NDRG1: variants seen among roughly 807,000 people sequenced by gnomAD.
The protein encoded by NDRG1 is N-myc downstream regulated 1, also known as protein NDRG1.
In NDRG1, 32 loss-of-function variants were observed where a neutral mutation model predicts 56.9. That is an observed-to-expected ratio of 0.56 (90% CI 0.42 to 0.76). The LOEUF is 0.76. NDRG1 is among the 30% of genes least tolerant of loss of function. The pLI is 0.00. For synonymous variants in NDRG1, 211 were observed against 204.1 expected (o/e 1.03, Z -0.29); for missense variants, 507 against 545.7 (o/e 0.93, Z 0.71).
At chr8:133,239,385 G>A in intron 15 of NDRG1, 1 of 603,128 alleles carries the variant, frequency 1.7e-6, no homozygotes, top group Non-Finnish European at 2.9e-6. Context: ...TCTGCCACCT[G>A]TTAAAAGCTG....
intron 8 of NDRG1, 65 bp downstream of exon 8, chr8:133,256,712 G>A: frequency 1.5e-5 from 23 of 1,499,980 alleles, no homozygotes; most frequent in Non-Finnish European, 2.0e-5. Flanking sequence ...CCCCCAGGCA[G>A]AGGCTGTGTG....
rs141156426 is a variant in NDRG1 at position 133,249,066 on chromosome 8, T to C, written c.699-295A>G. On this transcript the variant is annotated intron_variant, in intron 10 of 15. Coordinates refer to ENST00000323851, the MANE Select transcript of NDRG1 (RefSeq NM_006096.4). Reference sequence around the variant, plus strand: ...AAGTCAGATTCTCCACCATAGAGGGTCCCCGCCTTCCCTGTCCCCCTAGTC... The same window carrying C: ...AAGTCAGATTCTCCACCATAGAGGGCCCCCGCCTTCCCTGTCCCCCTAGTC... 0.014 allele frequency among the ~76,000 whole-genome samples: 2,065 copies of C among 152,086 alleles called. 20 individuals carry two copies. Among genetic ancestry groups the C allele is most frequent in the Non-Finnish European group, 0.021 (1,452 of 67,972 alleles).
intron 3 of NDRG1, chr8:133,264,950 AT>A: frequency 2.3e-6 from 1 of 443,352 alleles, no homozygotes; most frequent in Non-Finnish European, 4.2e-6. Flanking sequence ...TGTTTGCTCC[AT>A]CTGGAAAACA....
intron 7 of NDRG1, 96 bp from the exon 8 acceptor site, chr8:133,256,959 A>AAAAGGC: frequency 1.6e-6 from 2 of 1,214,798 alleles, no homozygotes; most frequent in Non-Finnish European, 2.4e-6. Context: ...AGTACCCAGA[A>AAAAGGC]AAAGGCAGTG....
chr8:133,240,544 G>A (rs1855321462), intron 15 of NDRG1: 1 of 152,236 alleles, frequency 6.6e-6, no homozygotes, highest in East Asian at 1.9e-4. Context: ...CGTACAGTGA[G>A]CACTGATGCC....
chr8:133,284,612 A>G (rs1439194500), intron 1 of NDRG1: 2 of 492,292 alleles, frequency 4.1e-6, no homozygotes, highest in African/African-American at 1.9e-5. Flanking sequence ...CCTCACAAAC[A>G]GGTCCCCATA....
chr8:133,262,359 A>G (rs1336389290), intron 4 of NDRG1, 192 bp from the exon 5 acceptor site: 1 of 651,386 alleles, frequency 1.5e-6, no homozygotes, highest in Non-Finnish European at 2.6e-6. Flanking sequence ...GCTGATAAAA[A>G]GCAAGAGTAA....
chr8:133,258,977 A>G (rs1387606261), intron 6 of NDRG1, 191 bp downstream of exon 6: 3 of 671,482 alleles, frequency 4.5e-6, no homozygotes, highest in Non-Finnish European at 8.0e-6. Flanking sequence ...AACTGAAGTT[A>G]GAGGAGACAG....
intron 2 of NDRG1, among the ~76,000 whole-genome samples, chr8:133,283,737 T>C (rs1857941932): frequency 6.6e-6 from 1 of 152,244 alleles, no homozygotes; most frequent in African/African-American, 2.4e-5. Context: ...ACTGAGAGGT[T>C]AGCAAGTGGA....
chr8:133,239,321 T>G (rs1564277650), intron 15 of NDRG1: 2 of 809,468 alleles, frequency 2.5e-6, no homozygotes, highest in Non-Finnish European at 3.9e-6. Context: ...GGGAAGGAAC[T>G]GCCGCAATCA....
chr8:133,265,986 G>C (rs1856899354), intron 3 of NDRG1, among the ~76,000 whole-genome samples: 1 of 152,244 alleles, frequency 6.6e-6, no homozygotes, highest in African/African-American at 2.4e-5. Flanking sequence ...GCTCCCACAG[G>C]GCAGTTGGGG....
intron 4 of NDRG1, among the ~76,000 whole-genome samples, chr8:133,263,977 C>A (rs1856785657): frequency 1.3e-5 from 2 of 149,876 alleles, no homozygotes; most frequent in African/African-American, 2.4e-5. Context: ...GTGGTAAATC[C>A]ATACAATGGA....
chr8:133,296,712 C>CAA (rs2130824128), intron 1 of NDRG1: 1 of 321,714 alleles, frequency 3.1e-6, no homozygotes, highest in South Asian at 2.3e-5. Context: ...CACACACACA[C>CAA]ACACACACAC....
chr8:133,290,851 T>G lies in NDRG1; in HGVS notation c.-19+6283A>C, dbSNP rs548921876. 3.3e-5 allele frequency among the ~76,000 whole-genome samples: 5 copies of G among 152,318 alleles called. No individual in the cohort carries two copies. The East Asian group carries it at 9.6e-4, about 29-fold the overall frequency. Reference sequence around the variant, plus strand: ...CTCAATGCTTTGGAAAAGCATTCACTCAGCACACTGTTTCACTTGCTCCTC... The same window carrying G: ...CTCAATGCTTTGGAAAAGCATTCACGCAGCACACTGTTTCACTTGCTCCTC... On this transcript the variant is annotated intron_variant, in intron 1 of 15. Coordinates refer to ENST00000323851, the MANE Select transcript of NDRG1 (RefSeq NM_006096.4).
At chr8:133,244,443 C>A (rs1564280651) in intron 13 of NDRG1, 53 bp from the exon 14 acceptor site, 1 of 1,609,874 alleles carries the variant, frequency 6.2e-7, no homozygotes, top group Admixed American at 1.7e-5. Context: ...AGGCCCTCTG[C>A]GCTCTATGAA....
chr8:133,266,599 G>A (rs745406014), intron 3 of NDRG1, among the ~76,000 whole-genome samples: 2 of 152,162 alleles, frequency 1.3e-5, no homozygotes, highest in African/African-American at 2.4e-5. Context: ...GTGACCCCCC[G>A]TGAAGTGGTA....
intron 3 of NDRG1, among the ~76,000 whole-genome samples, chr8:133,278,219 T>C (rs1156587909): frequency 1.3e-5 from 2 of 152,116 alleles, no homozygotes; most frequent in Non-Finnish European, 2.9e-5. Context: ...ACCAAGGCCA[T>C]GGTGCTGGTG....
At chr8:133,244,623 T>TGCTAGGCCCTAC (rs930740412) in intron 13 of NDRG1, 1 of 619,080 alleles carries the variant, frequency 1.6e-6, no homozygotes, top group African/African-American at 1.8e-5. Context: ...CCAGGCACTA[T>TGCTAGGCCCTAC]GCTAGGCCCT....
At chr8:133,276,214 C>T (rs1187319262) in intron 3 of NDRG1, among the ~76,000 whole-genome samples, 1 of 152,176 alleles carries the variant, frequency 6.6e-6, no homozygotes, top group Non-Finnish European at 1.5e-5. Flanking sequence ...CCTTAGCCGA[C>T]CCCAGCCTGA....
Sources: allele counts gnomAD v4.1 joint callset (sites outside exome capture counted in the v4.1 genomes callset), GRCh38; gene constraint gnomAD v4.1.1; transcripts MANE v1.5; gene names NCBI Gene and HGNC (gene_info 2026-07-23, HGNC 2026-07-21).